Variants in PSTPIP2 observed in about 807,000 individuals in gnomAD.
PSTPIP2 encodes the protein proline-serine-threonine phosphatase-interacting protein 2.
PSTPIP2 carries 33 observed loss-of-function variants against 63.3 expected under a neutral mutation model. That is an observed-to-expected ratio of 0.52 (90% CI 0.40 to 0.70). The LOEUF (loss-of-function observed/expected upper bound fraction) is 0.70. Among genes scored for constraint, PSTPIP2 ranks in the 30% least tolerant of loss-of-function variants. The probability of loss-of-function intolerance (pLI) is 0.00; values close to 1 mark genes in which losing one functional copy is unlikely to be tolerated. For synonymous variants in PSTPIP2, 125 were observed against 132.7 expected (o/e 0.94, Z 0.40); for missense variants, 312 against 400.7 (o/e 0.78, Z 1.89).
At chr18:46,025,679 C>T (rs1312665696) in intron 2 of PSTPIP2, among the ~76,000 whole-genome samples, 2 of 136,738 alleles carry the variant, frequency 1.5e-5, no homozygotes, top group South Asian at 4.5e-4. Context: ...GTTTTCACTA[C>T]CACTAAAAAA....
At chr18:46,000,604 G>A (rs2051653400) in intron 6 of PSTPIP2, among the ~76,000 whole-genome samples, 1 of 152,150 alleles carries the variant, frequency 6.6e-6, no homozygotes, top group African/African-American at 2.4e-5. Context: ...CTGACCTCAG[G>A]TGATCCACCC....
Position 45,991,955 on chromosome 18 carries a change from G to A in PSTPIP2, c.867C>T (p.Ser289=). 1 of 1,613,688 alleles carries A rather than the reference G, an allele frequency of 6.2e-7. No individual in the cohort carries two copies. The highest frequency in any genetic ancestry group is 8.5e-7 in the Non-Finnish European group (1 of 1,179,630). ...CTGCTGGGACTGCATTCTTCTGGGAGGAGTAGAAATTCTCATACATGATGG... is the reference window on the plus strand; with the variant it reads ...CTGCTGGGACTGCATTCTTCTGGGAAGAGTAGAAATTCTCATACATGATGG... ...PAPIMYENFY[S]SQKNAVPAGK... is the part of the protein sequence containing the mutation. Residue 289 remains serine (S), a synonymous_variant, in exon 12 of 15, where the codon TCC becomes TCT. Coordinates refer to ENST00000409746, the MANE Select transcript of PSTPIP2 (RefSeq NM_024430.4).
At chr18:46,067,318 C>T (rs934694417) in intron 1 of PSTPIP2, among the ~76,000 whole-genome samples, 5 of 151,106 alleles carry the variant, frequency 3.3e-5, no homozygotes, top group African/African-American at 9.7e-5. Context: ...CTGGCTAACA[C>T]GGTGAAACCC....
At chr18:46,055,493 T>C (rs1488135521) in intron 1 of PSTPIP2, among the ~76,000 whole-genome samples, 2 of 152,162 alleles carry the variant, frequency 1.3e-5, no homozygotes, top group African/African-American at 4.8e-5. Context: ...GCTAATATTT[T>C]GTATTTTTTT....
At chr18:46,021,408 T>G (rs1170617175) in intron 3 of PSTPIP2, among the ~76,000 whole-genome samples, 1 of 114,818 alleles carries the variant, frequency 8.7e-6, no homozygotes, top group Non-Finnish European at 2.0e-5. Context: ...TTTAAAACAA[T>G]TTATATATAT....
intron 5 of PSTPIP2, among the ~76,000 whole-genome samples, chr18:46,006,870 T>C (rs2144077477): frequency 6.6e-6 from 1 of 152,356 alleles, no homozygotes; most frequent in East Asian, 1.9e-4. Context: ...GCATCACAAC[T>C]ATGTGAGTAC....
chr18:46,010,035 T>C (rs1164279913), intron 5 of PSTPIP2, among the ~76,000 whole-genome samples: 5 of 152,160 alleles, frequency 3.3e-5, no homozygotes, highest in African/African-American at 1.2e-4. Context: ...ACAGCACAAG[T>C]ACAGGTGTAA....
intron 2 of PSTPIP2, among the ~76,000 whole-genome samples, chr18:46,033,420 G>C (rs904899944): frequency 2.0e-5 from 3 of 152,142 alleles, no homozygotes; most frequent in Non-Finnish European, 1.5e-5. Context: ...AATGTGGGCT[G>C]GGCATGGTAG....
intron 14 of PSTPIP2, among the ~76,000 whole-genome samples, chr18:45,986,403 C>G (rs1406412377): frequency 6.6e-6 from 1 of 152,150 alleles, no homozygotes; most frequent in Non-Finnish European, 1.5e-5. Context: ...GTTGTTGGGT[C>G]AAGTGGTACT....
At chr18:46,065,749 G>A (rs1055111791) in intron 1 of PSTPIP2, among the ~76,000 whole-genome samples, 2 of 152,044 alleles carry the variant, frequency 1.3e-5, no homozygotes, top group Admixed American at 6.6e-5. Context: ...ACAGGCGTAA[G>A]CCACCGCGCC....
chr18:46,004,408 A>G (rs1027931935), intron 6 of PSTPIP2, among the ~76,000 whole-genome samples: 2 of 152,238 alleles, frequency 1.3e-5, no homozygotes, highest in African/African-American at 4.8e-5. Context: ...TAAAAGCTAG[A>G]GAGAGATTTC....
chr18:46,051,450 G>A (rs1032394867), intron 1 of PSTPIP2, among the ~76,000 whole-genome samples: 4 of 152,002 alleles, frequency 2.6e-5, no homozygotes, highest in Non-Finnish European at 5.9e-5. Context: ...ACTCCACCCC[G>A]GCTACAGAGC....
At chr18:46,019,572 G>A (rs568506197) in intron 3 of PSTPIP2, among the ~76,000 whole-genome samples, 51 of 152,128 alleles carry the variant, frequency 3.4e-4, no homozygotes, top group South Asian at 6.2e-4. Flanking sequence ...AGGCCAAGGC[G>A]GGAGGATCAT....
chr18:46,024,730 A>T, intron 2 of PSTPIP2, 44 bp from the exon 3 acceptor site: 2 of 1,510,708 alleles, frequency 1.3e-6, no homozygotes, highest in Non-Finnish European at 1.8e-6. Flanking sequence ...CTCAGAGCTG[A>T]CTCTTTGTTA....
chr18:45,993,147 T>G (rs1032825674), intron 10 of PSTPIP2, among the ~76,000 whole-genome samples: 2 of 152,156 alleles, frequency 1.3e-5, no homozygotes, highest in African/African-American at 4.8e-5. Flanking sequence ...GAGGCTGGAG[T>G]GCAGTGGCAC....
At chr18:45,994,276 T>A (rs915745898) in intron 9 of PSTPIP2, among the ~76,000 whole-genome samples, 1 of 152,258 alleles carries the variant, frequency 6.6e-6, no homozygotes, top group African/African-American at 2.4e-5. Context: ...ATGAAGCAGA[T>A]GGTATTCTAT....
At chr18:46,027,771 TGAAA>T (rs1907636294) in intron 2 of PSTPIP2, among the ~76,000 whole-genome samples, 1 of 152,198 alleles carries the variant, frequency 6.6e-6, no homozygotes, top group South Asian at 2.1e-4. Flanking sequence ...GAAGTGAAGC[TGAAA>T]GAATTACTAA....
chr18:46,056,532 G>T (rs1419022704), intron 1 of PSTPIP2, among the ~76,000 whole-genome samples: 2 of 152,122 alleles, frequency 1.3e-5, no homozygotes, highest in African/African-American at 2.4e-5. Flanking sequence ...TTTGAGACTA[G>T]TCTGGGCCAC....
At chr18:46,045,271 A>G (rs1449021532) in intron 1 of PSTPIP2, among the ~76,000 whole-genome samples, 2 of 152,368 alleles carry the variant, frequency 1.3e-5, no homozygotes, top group African/African-American at 2.4e-5. Context: ...CAAATGTCCA[A>G]CAATGACAGA....
Sources: gnomAD v4.1 joint callset for allele counts (sites outside exome capture counted in the v4.1 genomes callset) on GRCh38, gnomAD v4.1.1 for gene constraint, MANE v1.5 for transcripts, NCBI Gene and HGNC (gene_info 2026-07-23, HGNC 2026-07-21) for gene names.